Variants in CSMD3 observed in about 807,000 individuals in gnomAD.
The protein encoded by CSMD3 is CUB and Sushi multiple domains 3.
CSMD3 carries 177 observed loss-of-function variants against 435.2 expected under a neutral mutation model. That is an observed-to-expected ratio of 0.41 (90% CI 0.36 to 0.46). CSMD3 has a LOEUF of 0.46. Among genes scored for constraint, CSMD3 ranks in the 20% least tolerant of loss-of-function variants. The probability of loss-of-function intolerance (pLI) is 0.34; values close to 1 mark genes in which losing one functional copy is unlikely to be tolerated. For synonymous variants in CSMD3, 1,656 were observed against 1,520.5 expected (o/e 1.09, Z -2.07); for missense variants, 4,265 against 4,504.6 (o/e 0.95, Z 1.52).
At chr8:112,798,665 T>C (rs1398467227) in intron 13 of CSMD3, among the ~76,000 whole-genome samples, 1 of 151,896 alleles carries the variant, frequency 6.6e-6, no homozygotes. Flanking sequence ...ACTGTGTAAA[T>C]ATCGATAGAA....
chr8:113,241,626 A>G (rs1270068377), intron 3 of CSMD3, among the ~76,000 whole-genome samples: 1 of 151,822 alleles, frequency 6.6e-6, no homozygotes, highest in Admixed American at 6.6e-5. Flanking sequence ...AGAATGTCTC[A>G]GTACAAAAGA....
At chr8:113,256,204 A>T (rs1268405553) in intron 3 of CSMD3, among the ~76,000 whole-genome samples, 1 of 152,184 alleles carries the variant, frequency 6.6e-6, no homozygotes, top group Non-Finnish European at 1.5e-5. Context: ...GTTGATAAAT[A>T]TCATATTTAT....
chr8:112,860,523 T>G (rs2080798248), intron 10 of CSMD3, among the ~76,000 whole-genome samples: 1 of 151,772 alleles, frequency 6.6e-6, no homozygotes, highest in African/African-American at 2.4e-5. Flanking sequence ...TCCATTTTTC[T>G]CTCCCCTTTC....
intron 10 of CSMD3, among the ~76,000 whole-genome samples, chr8:112,912,363 T>C (rs1279020322): frequency 6.6e-6 from 1 of 151,780 alleles, no homozygotes; most frequent in Admixed American, 6.6e-5. Context: ...GCTGTACTAA[T>C]TTACATTCTT....
intron 23 of CSMD3, 146 bp downstream of exon 23, chr8:112,586,920 T>C (rs766119635): frequency 6.4e-6 from 3 of 466,610 alleles, no homozygotes; most frequent in South Asian, 4.1e-5. Flanking sequence ...AGAATTAATG[T>C]ATAATTTGAA....
intron 6 of CSMD3, among the ~76,000 whole-genome samples, chr8:113,009,953 C>T (rs1318090400): frequency 2.0e-5 from 3 of 151,666 alleles, no homozygotes; most frequent in African/African-American, 7.3e-5. Flanking sequence ...TGAATAGACT[C>T]TGCTGATATC....
chr8:113,314,814 C>G (rs768688811), intron 1 of CSMD3, 21 bp from the exon 2 acceptor site: 21 of 1,379,336 alleles, frequency 1.5e-5, no homozygotes, highest in Middle Eastern at 1.8e-4. Flanking sequence ...AGACAATAAA[C>G]AGACATTAAT....
intron 1 of CSMD3, among the ~76,000 whole-genome samples, chr8:113,359,528 G>A (rs2094256933): frequency 6.6e-6 from 1 of 152,198 alleles, no homozygotes; most frequent in Admixed American, 6.5e-5. Flanking sequence ...CCTGGAGGCA[G>A]CTACAGCTTC....
chr8:112,557,042 G>A (rs1828187370), intron 24 of CSMD3, 88 bp from the exon 25 acceptor site: 1 of 827,542 alleles, frequency 1.2e-6, no homozygotes, highest in Non-Finnish European at 2.0e-6. Flanking sequence ...TACTATTTTT[G>A]ATGATTACAT....
At chr8:112,481,266 T>C (rs976800924) in intron 31 of CSMD3, among the ~76,000 whole-genome samples, 2 of 152,116 alleles carry the variant, frequency 1.3e-5, no homozygotes, top group Non-Finnish European at 2.9e-5. Flanking sequence ...CTGAGTGAAT[T>C]AGAAGAAATT....
chr8:112,723,755 A>G (rs2076909754), intron 13 of CSMD3, among the ~76,000 whole-genome samples: 1 of 152,152 alleles, frequency 6.6e-6, no homozygotes, highest in South Asian at 2.1e-4. Context: ...ACGGAGACCT[A>G]GTTTTATCAT....
At chr8:113,192,231 C>T (rs72687621) in intron 3 of CSMD3, among the ~76,000 whole-genome samples, 15,465 of 151,714 alleles carry the variant, frequency 0.1, 939 homozygotes, top group Middle Eastern at 0.17. Flanking sequence ...AAACCAAAGC[C>T]ATTCTGAATT....
At chr8:113,086,327 A>T (rs1588044444) in intron 5 of CSMD3, among the ~76,000 whole-genome samples, 1 of 152,208 alleles carries the variant, frequency 6.6e-6, no homozygotes, top group East Asian at 1.9e-4. Flanking sequence ...CCATCAATCA[A>T]TCTATAGAAA....
rs2130930375 is a variant in CSMD3, at chr8:112,506,692, T to A, written c.4894A>T (p.Ser1632Cys). The change falls in exon 29 of 71, where the codon AGT (serine) becomes TGT (cysteine). Residue 1632 changes from serine to cysteine, a missense_variant and splice_region_variant. Transcript: ENST00000297405. ...ADYVISLAFI[S>C]FSIEPNYDFL... ...GGAAATAAATATATAAGAACTCACC[T>A]GATGAACGCCAAGGAGATAACATAG... is the stretch of plus-strand genomic sequence containing the variant. The A allele has an allele frequency of 1.2e-6, 2 of 1,613,526 alleles. No individual in the cohort carries two copies. Among genetic ancestry groups the A allele is most frequent in the South Asian group, 1.1e-5 (1 of 91,074 alleles).
chr8:112,633,873 T>C (rs2074583285), intron 22 of CSMD3, among the ~76,000 whole-genome samples: 1 of 152,062 alleles, frequency 6.6e-6, no homozygotes. Context: ...ATACTTTGTA[T>C]AAAATTTAAA....
chr8:112,250,415 T>C (rs1232475083), intron 63 of CSMD3, among the ~76,000 whole-genome samples: 1 of 151,700 alleles, frequency 6.6e-6, no homozygotes, highest in African/African-American at 2.4e-5. Flanking sequence ...AATAATTGGT[T>C]AAATTGTTTA....
At chr8:112,869,835 G>A (rs2081081267) in intron 10 of CSMD3, among the ~76,000 whole-genome samples, 1 of 152,066 alleles carries the variant, frequency 6.6e-6, no homozygotes. Context: ...TGAACAATGA[G>A]AACACATGGA....
chr8:112,314,690 A>G, intron 47 of CSMD3, 73 bp from the exon 48 acceptor site: 1 of 1,006,510 alleles, frequency 9.9e-7, no homozygotes, highest in Non-Finnish European at 1.6e-6. Context: ...TTAGATACTG[A>G]GTATTCTGCT....
At chr8:113,218,160 C>G (rs1588297563) in intron 3 of CSMD3, among the ~76,000 whole-genome samples, 1 of 149,312 alleles carries the variant, frequency 6.7e-6, no homozygotes, top group Non-Finnish European at 1.5e-5. Flanking sequence ...CAAGTAAGCT[C>G]TAAGTGAATT....
Sources: allele counts gnomAD v4.1 joint callset (sites outside exome capture counted in the v4.1 genomes callset), GRCh38; gene constraint gnomAD v4.1.1; transcripts MANE v1.5; gene names NCBI Gene and HGNC (gene_info 2026-07-23, HGNC 2026-07-21).